The following ADCY2 variants were observed in gnomAD, a reference collection of about 807,000 sequenced individuals.
The protein encoded by ADCY2 is adenylate cyclase 2, also known as adenylate cyclase type 2.
A neutral mutation model predicts 125.2 loss-of-function variants in ADCY2; 31 were observed. That is an observed-to-expected ratio of 0.25 (90% CI 0.19 to 0.33). The LOEUF (loss-of-function observed/expected upper bound fraction) is 0.33, where lower values mean the gene tolerates loss of function less well. Ranked by LOEUF, ADCY2 falls within the 10% of genes least tolerant of loss-of-function variation. The pLI, the probability that ADCY2 is intolerant of heterozygous loss-of-function variation, is 1.00. For missense variants in ADCY2, 904 were observed against 1,418.2 expected (o/e 0.64, Z 5.82); for synonymous variants, 512 against 548.4 (o/e 0.93, Z 0.93).
intron 18 of ADCY2, among the ~76,000 whole-genome samples, chr5:7,777,202 G>A (rs1743760726): frequency 6.6e-6 from 1 of 152,154 alleles, no homozygotes; most frequent in Non-Finnish European, 1.5e-5. Flanking sequence ...CGGAAAGGTG[G>A]AAGGTACCCA....
At chr5:7,818,141 T>A (rs1180147632) in intron 23 of ADCY2, among the ~76,000 whole-genome samples, 1 of 152,118 alleles carries the variant, frequency 6.6e-6, no homozygotes, top group Non-Finnish European at 1.5e-5. Context: ...GGCAGCAAAT[T>A]CTATCTGAAT....
chr5:7,708,543 G>T (rs1188972982), intron 9 of ADCY2, among the ~76,000 whole-genome samples: 1 of 152,144 alleles, frequency 6.6e-6, no homozygotes, highest in South Asian at 2.1e-4. Flanking sequence ...GCTTTCAGGG[G>T]TTATGTAATT....
intron 3 of ADCY2, among the ~76,000 whole-genome samples, chr5:7,533,827 A>G (rs1490031462): frequency 6.6e-6 from 1 of 152,192 alleles, no homozygotes; most frequent in Admixed American, 6.5e-5. Flanking sequence ...TGTTCTTATC[A>G]TATGAACTAC....
At chr5:7,693,406 GTTTTT>G (rs139450063) in intron 5 of ADCY2, among the ~76,000 whole-genome samples, 5 of 58,648 alleles carry the variant, frequency 8.5e-5, no homozygotes, top group African/African-American at 2.3e-4. Context: ...ATTGCCTGCT[GTTTTT>G]TGTTTTTTTT....
chr5:7,505,087 T>A (rs1184170197), intron 2 of ADCY2, among the ~76,000 whole-genome samples: 4 of 151,896 alleles, frequency 2.6e-5, no homozygotes, highest in Non-Finnish European at 5.9e-5. Context: ...TTCCATCATA[T>A]TACCCAGGCT....
intron 1 of ADCY2, among the ~76,000 whole-genome samples, chr5:7,413,355 C>A (rs1233075372): frequency 2.0e-5 from 3 of 151,932 alleles, no homozygotes; most frequent in African/African-American, 7.3e-5. Flanking sequence ...AGTGCAGTGG[C>A]GCGCTCACGG....
intron 4 of ADCY2, among the ~76,000 whole-genome samples, chr5:7,637,648 G>A (rs910408309): frequency 2.6e-5 from 4 of 152,042 alleles, no homozygotes; most frequent in Non-Finnish European, 5.9e-5. Context: ...GGAATAAAAT[G>A]TCAACAAGAT....
Position 7,414,761 on chromosome 5 carries a change from C to G in ADCY2, c.399C>G (p.Pro133=), listed in dbSNP as rs200419013. 9.3e-6 allele frequency: 15 copies of G among 1,610,082 alleles called. No homozygotes were observed. The Admixed American group carries it at 2.5e-4, about 27-fold the overall frequency. ...TGTGTTTTGGAGGCACCGTCTCTCC[C>G]TGGGACCAGGTAAGGTGTGAAAATA... The part of the protein sequence containing the change: ...LFMCFGGTVS[P]WDQVSFFLFI... The change falls in exon 2 of 25, where the codon CCC becomes CCG. Residue 133 remains proline, a synonymous_variant. Transcript: ENST00000338316.
intron 4 of ADCY2, among the ~76,000 whole-genome samples, chr5:7,640,693 T>C (rs1738670869): frequency 6.6e-6 from 1 of 151,902 alleles, no homozygotes; most frequent in African/African-American, 2.4e-5. Context: ...AATTGGGAAA[T>C]GAACAATATA....
At chr5:7,543,983 C>T (rs1458269887) in intron 3 of ADCY2, among the ~76,000 whole-genome samples, 2 of 141,454 alleles carry the variant, frequency 1.4e-5, no homozygotes, top group African/African-American at 5.2e-5. Flanking sequence ...CACTGCACTC[C>T]AGCCTGGGTG....
intron 3 of ADCY2, among the ~76,000 whole-genome samples, chr5:7,579,411 TA>T (rs936370437): frequency 1.3e-5 from 2 of 151,462 alleles, no homozygotes; most frequent in Admixed American, 6.6e-5. Flanking sequence ...GGGAAAACCC[TA>T]AAAAAAAGAG....
chr5:7,657,059 T>C (rs1475706715), intron 4 of ADCY2, among the ~76,000 whole-genome samples: 2 of 152,242 alleles, frequency 1.3e-5, no homozygotes, highest in Non-Finnish European at 2.9e-5. Context: ...GGGCTATGTG[T>C]ATAAGATGTA....
intron 2 of ADCY2, among the ~76,000 whole-genome samples, chr5:7,440,021 G>T (rs1268493646): frequency 6.6e-6 from 1 of 152,184 alleles, no homozygotes; most frequent in Non-Finnish European, 1.5e-5. Flanking sequence ...ACAGAGAAGA[G>T]GGGTGGACAG....
intron 21 of ADCY2, among the ~76,000 whole-genome samples, chr5:7,804,215 C>T (rs1046234970): frequency 8.5e-5 from 13 of 152,148 alleles, no homozygotes; most frequent in African/African-American, 3.1e-4. Context: ...TCTGACCATG[C>T]AAGAAAGAGC....
chr5:7,399,202 G>A lies in ADCY2; in HGVS notation c.210+2696G>A, dbSNP rs540563485. Among the ~76,000 whole-genome samples, 675 of 152,294 alleles carry A rather than the reference G, an allele frequency of 4.4e-3. 6 individuals carry two copies. The highest frequency in any genetic ancestry group is 0.015 in the African/African-American group (641 of 41,562). ...CCTTTTTTTCCCCCTGAATCTGCCT[G>A]ATTTTGATTTCCATTAGACTTTCAT... is the stretch of plus-strand genomic sequence containing the variant. On this transcript the variant is annotated intron_variant, in intron 1 of 24. Transcript: ENST00000338316.
At chr5:7,821,727 G>A (rs913579309) in intron 24 of ADCY2, among the ~76,000 whole-genome samples, 2 of 152,240 alleles carry the variant, frequency 1.3e-5, no homozygotes, top group African/African-American at 4.8e-5. Flanking sequence ...TGGAGAACTC[G>A]ATTTTCAGAC....
chr5:7,757,515 C>G lies in ADCY2; in HGVS notation c.2023C>G (p.Arg675Gly). Reference sequence around the variant, plus strand: ...GAAGTCCTCGGGCATCATTGCCAACCGCCCCTGGCCACGGATCTCTCTCAC... The same window carrying G: ...GAAGTCCTCGGGCATCATTGCCAACGGCCCCTGGCCACGGATCTCTCTCAC... ...LLKSSGIIAN[R>G]PWPRISLTII... Residue 675 changes from arginine to glycine, a missense_variant, in exon 16 of 25, where the codon CGC (arginine) becomes GGC (glycine). This residue lies in a region of ADCY2 where 221 missense variants were observed against 246.2 expected (regional missense o/e 0.90). Transcript: ENST00000338316. The G allele has an allele frequency of 1.2e-6, 2 of 1,614,106 alleles. No individual in the cohort carries two copies. Among genetic ancestry groups the G allele is most frequent in the Non-Finnish European group, 1.7e-6 (2 of 1,180,034 alleles).
At chr5:7,416,466 T>C (rs545007558) in intron 2 of ADCY2, among the ~76,000 whole-genome samples, 2 of 152,132 alleles carry the variant, frequency 1.3e-5, no homozygotes, top group Admixed American at 6.5e-5. Context: ...TTACACTCTG[T>C]CCTTCCCCAC....
chr5:7,804,067 A>AGAGAGAGC (rs1744685825), intron 21 of ADCY2, among the ~76,000 whole-genome samples: 1 of 146,802 alleles, frequency 6.8e-6, no homozygotes, highest in African/African-American at 2.6e-5. Flanking sequence ...AGAGAGAGAG[A>AGAGAGAGC]GAGAGAGCTG....
Sources: gnomAD v4.1 joint callset for allele counts (sites outside exome capture counted in the v4.1 genomes callset) on GRCh38, gnomAD v4.1.1 for gene constraint, gnomAD v4.1.1 regional missense constraint, MANE v1.5 for transcripts, NCBI Gene and HGNC (gene_info 2026-07-23, HGNC 2026-07-21) for gene names.